ZNF468: variants seen among roughly 807,000 people sequenced by gnomAD.
The protein encoded by ZNF468 is zinc finger protein ZNF468.
In ZNF468, 8 loss-of-function variants were observed where a neutral mutation model predicts 7.2. The observed-to-expected ratio is 1.11, with a 90% confidence interval of 0.65 to 2.01. The LOEUF (loss-of-function observed/expected upper bound fraction) is 2.01. Ranked by LOEUF, ZNF468 falls within the 30% of genes most tolerant of loss-of-function variation. The pLI, the probability that ZNF468 is intolerant of heterozygous loss-of-function variation, is 0.00. For missense variants in ZNF468, 608 were observed against 626.5 expected (o/e 0.97, Z 0.31); for synonymous variants, 218 against 214.4 (o/e 1.02, Z -0.15).
intron 2 of ZNF468, among the ~76,000 whole-genome samples, chr19:52,850,847 C>T (rs187488827): frequency 0.02 from 3,089 of 151,514 alleles, 113 homozygotes; most frequent in African/African-American, 0.071. Context: ...TGCAGTGAGC[C>T]GAGATCGCGC....
intron 3 of ZNF468, 24 bp downstream of exon 3, chr19:52,849,063 C>A (rs751757392): frequency 6.2e-7 from 1 of 1,612,740 alleles, no homozygotes; most frequent in South Asian, 1.1e-5. Flanking sequence ...AAGGGCACAT[C>A]CCCAGGAGGG....
chr19:52,856,621 C>G (rs2063442068), intron 1 of ZNF468, among the ~76,000 whole-genome samples: 1 of 148,232 alleles, frequency 6.7e-6, no homozygotes, highest in Non-Finnish European at 1.5e-5. Flanking sequence ...TCTGCTCTGT[C>G]TGACCCGGCT....
Position 52,839,835 on chromosome 19 carries a change from C to T in ZNF468, c.*890G>A. ...TCACCAGTGAAATGCAAGGCATGAA[C>T]GATGTCTGAAAAATTTGCCACATTT... On this transcript the variant is annotated 3_prime_UTR_variant, in exon 4 of 4. Transcript: ENST00000595646. The T allele has an allele frequency of 1.8e-6, 1 of 568,850 alleles. No homozygotes were observed. Among genetic ancestry groups the T allele is most frequent in the Non-Finnish European group, 3.2e-6 (1 of 314,304 alleles). The allele number at this position is 568,850 out of a possible 1,614,324, so 35.2% of individuals were successfully genotyped here.
chr19:52,852,302 G>A (rs2063396873), intron 2 of ZNF468, among the ~76,000 whole-genome samples: 1 of 151,860 alleles, frequency 6.6e-6, no homozygotes, highest in Non-Finnish European at 1.5e-5. Context: ...GGAGGCAGAG[G>A]TTTCAGTGAG....
intron 2 of ZNF468, among the ~76,000 whole-genome samples, chr19:52,850,932 T>C (rs921019584): frequency 6.2e-4 from 94 of 150,676 alleles, no homozygotes; most frequent in South Asian, 1.9e-3. Flanking sequence ...TATATATATA[T>C]ACACACACAC....
chr19:52,841,747 T>C lies in ZNF468; in HGVS notation c.547A>G (p.Arg183Gly). ...TTATTAGAAATATGGGTTTTGGGCC[T>C]ACAACAAATTCTTTGGGATGTTGAA... Reference protein sequence around the residue: ...SVSTSQRICCRPKTHISNKYG... With the variant: ...SVSTSQRICCGPKTHISNKYG... The change falls in exon 4 of 4, where the codon AGG becomes GGG. Residue 183 changes from arginine to glycine, a missense_variant. Arg to Gly is a moderately radical substitution (Grantham distance 125). Coordinates refer to ENST00000595646, the MANE Select transcript of ZNF468 (RefSeq NM_001008801.2). The C allele has an allele frequency of 2.5e-6, 4 of 1,614,112 alleles. No homozygotes were observed. In the South Asian group the frequency reaches 3.3e-5, roughly 13 times the overall value.
chr19:52,848,617 C>T (rs932963008), intron 3 of ZNF468, among the ~76,000 whole-genome samples: 2 of 152,082 alleles, frequency 1.3e-5, no homozygotes, highest in African/African-American at 4.8e-5. Flanking sequence ...GCAGTGTGTT[C>T]TCCACTCACT....
chr19:52,840,535 C>T lies in ZNF468; in HGVS notation c.*190G>A. The T allele has an allele frequency of 8.4e-7, 1 of 1,195,606 alleles. No homozygotes were observed. 74.1% of individuals were successfully genotyped at this position (1,195,606 alleles called of 1,614,324 possible). The stretch of plus-strand genomic sequence containing the variant: ...TTAAGGTTTGATTTACAACTGAAAA[C>T]TTTTGTCACATTCCTCCCATTTGTA... On this transcript the variant is annotated 3_prime_UTR_variant, in exon 4 of 4. Transcript: ENST00000595646.
At chr19:52,857,175 G>A (rs2063447858) in intron 1 of ZNF468, among the ~76,000 whole-genome samples, 1 of 151,772 alleles carries the variant, frequency 6.6e-6, no homozygotes, top group African/African-American at 2.4e-5. Flanking sequence ...CAGGACCACA[G>A]AACGCAGCCT....
At chr19:52,854,191 C>A in intron 2 of ZNF468, 67 bp downstream of exon 2, 3 of 1,611,840 alleles carry the variant, frequency 1.9e-6, no homozygotes, top group Non-Finnish European at 2.5e-6. Context: ...CCAGACATTC[C>A]CAACTCCAAG....
In ZNF468 at chr19:52,838,302, C is replaced by G. The variant is rs2063265422; in HGVS notation, c.*2423G>C. 6.6e-6 allele frequency: 1 copy of G among 152,132 alleles called. No individual in the cohort carries two copies. The highest frequency in any genetic ancestry group is 6.6e-5 in the Admixed American group (1 of 15,264). 9.4% of individuals were successfully genotyped at this position (152,132 alleles called of 1,614,324 possible). On this transcript the variant is annotated 3_prime_UTR_variant, in exon 4 of 4. Coordinates refer to ENST00000595646, the MANE Select transcript of ZNF468 (RefSeq NM_001008801.2). ...AAAAGCATTTCACAAAAGTCAACAT[C>G]AAGTCATCATAGAAATCCCACACAA... is the stretch of plus-strand genomic sequence containing the variant.
chr19:52,843,995 G>A (rs548316368), intron 3 of ZNF468, among the ~76,000 whole-genome samples: 5 of 152,214 alleles, frequency 3.3e-5, no homozygotes, highest in South Asian at 4.1e-4. Flanking sequence ...GAAGGAAGAC[G>A]CCTGTAATCC....
In ZNF468 at chr19:52,840,112, T is replaced by C; in HGVS notation, c.*613A>G. On this transcript the variant is annotated 3_prime_UTR_variant, in exon 4 of 4. Coordinates refer to ENST00000595646, the MANE Select transcript of ZNF468 (RefSeq NM_001008801.2). ...ATTCCCGAAAGCCTTGTCACAAACC[T>C]TACATTTCTATGGCTTTTCTCCAGT... The C allele has an allele frequency of 1.5e-6, 1 of 646,782 alleles. No individual in the cohort carries two copies. The highest frequency in any genetic ancestry group is 2.4e-6 in the Non-Finnish European group (1 of 411,838). The allele number at this position is 646,782 out of a possible 1,614,324, so 40.1% of individuals were successfully genotyped here. A position where few individuals can be genotyped will look rare whatever the true frequency, so the allele number is the denominator to read the frequency against.
In ZNF468 at chr19:52,838,121, G is replaced by A. The variant is rs1035561435; in HGVS notation, c.*2604C>T. ...CTTCTTGAAGACCCCTTGTACTAGC[G>A]AACTGTATTCAAGAGGATATTAAAA... On this transcript the variant is annotated 3_prime_UTR_variant, in exon 4 of 4. Transcript: ENST00000595646. The A allele has an allele frequency of 2.4e-4, 36 of 152,022 alleles. No individual in the cohort carries two copies. Among genetic ancestry groups the A allele is most frequent in the Admixed American group, 7.2e-4 (11 of 15,248 alleles). 9.4% of individuals were successfully genotyped at this position (152,022 alleles called of 1,614,324 possible). A position where few individuals can be genotyped will look rare whatever the true frequency, so the allele number is the denominator to read the frequency against.
Position 52,854,365 on chromosome 19 carries a change from T to C in ZNF468, c.-73-20A>G, listed in dbSNP as rs1419835176. 1.3e-6 allele frequency: 2 copies of C among 1,597,264 alleles called. No homozygotes were observed. The highest frequency in any genetic ancestry group is 2.7e-5 in the African/African-American group (2 of 74,512). ...TCAATCCTGAATGTTAAAAATATGT[T>C]GTTTATCACTCAGAATCAACACACC... On this transcript the variant is annotated intron_variant, in intron 1 of 3. Transcript: ENST00000595646.
chr19:52,841,928 A>G lies in ZNF468; in HGVS notation c.366T>C (p.Ser122=). The G allele has an allele frequency of 6.2e-7, 1 of 1,613,934 alleles. No individual in the cohort carries two copies. Among genetic ancestry groups the G allele is most frequent in the Non-Finnish European group, 8.5e-7 (1 of 1,179,924 alleles). ...PMTEIKELAG[S]TGQHDQRHAG... Reference sequence around the variant, plus strand: ...CATGCCTTTGATCATGTTGGCCTGTACTACCAGCCAACTCTTTGATTTCTG... The same window carrying G: ...CATGCCTTTGATCATGTTGGCCTGTGCTACCAGCCAACTCTTTGATTTCTG... The change falls in exon 4 of 4, where the codon AGT becomes AGC. Residue 122 remains serine (S), a synonymous_variant. Coordinates refer to ENST00000595646, the MANE Select transcript of ZNF468 (RefSeq NM_001008801.2).
At chr19:52,846,819 T>C (rs1254875229) in intron 3 of ZNF468, among the ~76,000 whole-genome samples, 3 of 152,068 alleles carry the variant, frequency 2.0e-5, no homozygotes, top group Non-Finnish European at 2.9e-5. Flanking sequence ...CTGACCAACA[T>C]GGTGAAACCC....
At chr19:52,851,935 T>C (rs918433617) in intron 2 of ZNF468, among the ~76,000 whole-genome samples, 5 of 152,120 alleles carry the variant, frequency 3.3e-5, no homozygotes, top group African/African-American at 1.2e-4. Context: ...GATGTGTGTG[T>C]ATGTATGTAT....
At position 52,840,315 on chromosome 19, in the gene ZNF468, AG is replaced by A; in HGVS notation, c.*409del. ...AGGTTTCTCTCCACTATGAATTACA[AG>A]GTGTGAATTTTGACCTTTTAATTAC... On this transcript the variant is annotated 3_prime_UTR_variant, in exon 4 of 4. Transcript: ENST00000595646. The A allele has an allele frequency of 2.4e-6, 1 of 413,880 alleles. No individual in the cohort carries two copies. Among genetic ancestry groups the A allele is most frequent in the East Asian group, 5.9e-5 (1 of 16,990 alleles). 25.6% of individuals were successfully genotyped at this position (413,880 alleles called of 1,614,324 possible).
Sources: allele counts gnomAD v4.1 joint callset (sites outside exome capture counted in the v4.1 genomes callset), GRCh38; gene constraint gnomAD v4.1.1; transcripts MANE v1.5; gene names NCBI Gene and HGNC (gene_info 2026-07-23, HGNC 2026-07-21).